Variants in HAUS6 observed in about 807,000 individuals in gnomAD.
The protein encoded by HAUS6 is HAUS augmin-like complex subunit 6.
In HAUS6, 80 loss-of-function variants were observed where a neutral mutation model predicts 106.8. That is an observed-to-expected ratio of 0.75 (90% CI 0.63 to 0.90). The LOEUF is 0.90. Among genes scored for constraint, HAUS6 ranks in the 40% least tolerant of loss-of-function variants. The probability of loss-of-function intolerance (pLI) is 0.00; values close to 1 mark genes in which losing one functional copy is unlikely to be tolerated. For synonymous variants in HAUS6, 356 were observed against 379.1 expected (o/e 0.94, Z 0.71); for missense variants, 1,155 against 1,118.1 (o/e 1.03, Z -0.47).
chr9:19,056,533 AATT>A (rs897634663), intron 16 of HAUS6, 129 bp from the exon 17 acceptor site: 7 of 606,540 alleles, frequency 1.2e-5, no homozygotes, highest in African/African-American at 5.5e-5. Flanking sequence ...ATTATGATAA[AATT>A]ATTATTATTC....
rs772410184 is a variant in HAUS6 at position 19,102,589 on chromosome 9, G to A, written c.63C>T (p.Leu21=). ...TGGTTGCCGGGCCTGGCTCGAAGCC[G>A]AGCGCCTGCAGATACATCCAGAGAT... is the stretch of plus-strand genomic sequence containing the variant. ...KEHLWMYLQA[L]GFEPGPATIA... is the part of the protein sequence containing the mutation. The change falls in exon 1 of 17, where the codon CTC becomes CTT. Residue 21 remains leucine (L), a synonymous_variant. Transcript: ENST00000380502. 4 of 1,613,832 alleles carry A rather than the reference G, an allele frequency of 2.5e-6. No individual in the cohort carries two copies. The highest frequency in any genetic ancestry group is 3.4e-6 in the Non-Finnish European group (4 of 1,179,900).
At chr9:19,095,367 G>A (rs1817840110) in intron 2 of HAUS6, among the ~76,000 whole-genome samples, 1 of 151,950 alleles carries the variant, frequency 6.6e-6, no homozygotes, top group Non-Finnish European at 1.5e-5. Context: ...AAAAAACTGA[G>A]CATGCATAGG....
rs910963679 is a variant in HAUS6, at chr9:19,094,406, A to G, written c.225-11T>C. On this transcript the variant is annotated splice_polypyrimidine_tract_variant and intron_variant, in intron 2 of 16. Coordinates refer to ENST00000380502, the MANE Select transcript of HAUS6 (RefSeq NM_017645.5). ...GGGGGCCAACAAAATCTGGAAAACA[A>G]AAATAAAAGCGTAAGGACTATGCAC... is the stretch of plus-strand genomic sequence containing the variant. 1.3e-6 allele frequency: 2 copies of G among 1,560,354 alleles called. No individual in the cohort carries two copies. The highest frequency in any genetic ancestry group is 1.7e-5 in the Admixed American group (1 of 58,844).
rs555751671 is a variant in HAUS6 at position 19,083,978 on chromosome 9, C to T, written c.700-935G>A. 2.6e-3 allele frequency among the ~76,000 whole-genome samples: 386 copies of T among 147,312 alleles called. 6 individuals are homozygous for T. In the South Asian group the frequency reaches 0.032, roughly 12 times the overall value. ...ATATACAAGAATATTTAGGCACGCA[C>T]AGTGGCGCATACCTGTAATCCCAGC... On this transcript the variant is annotated intron_variant, in intron 7 of 16. Transcript: ENST00000380502.
At chr9:19,075,178 A>G (rs1836967598) in intron 11 of HAUS6, among the ~76,000 whole-genome samples, 1 of 152,224 alleles carries the variant, frequency 6.6e-6, no homozygotes, top group African/African-American at 2.4e-5. Flanking sequence ...ATGAAAATCC[A>G]GAACAGGGAA....
chr9:19,087,617 G>C (rs984618759), intron 5 of HAUS6, among the ~76,000 whole-genome samples: 1 of 152,130 alleles, frequency 6.6e-6, no homozygotes, highest in Admixed American at 6.6e-5. Flanking sequence ...TATTTTGGGA[G>C]GCTGAGGCAG....
At chr9:19,091,067 G>A (rs908385727) in intron 4 of HAUS6, among the ~76,000 whole-genome samples, 9 of 151,856 alleles carry the variant, frequency 5.9e-5, no homozygotes, top group East Asian at 1.9e-4. Flanking sequence ...TTGGGAGGCC[G>A]AGGCGGGTGG....
At chr9:19,077,379 A>G (rs1278577433) in intron 10 of HAUS6, among the ~76,000 whole-genome samples, 1 of 152,108 alleles carries the variant, frequency 6.6e-6, no homozygotes, top group Non-Finnish European at 1.5e-5. Context: ...TACTGAAAAT[A>G]GAAAAATTAG....
intron 14 of HAUS6, among the ~76,000 whole-genome samples, chr9:19,060,658 C>T (rs999460511): frequency 6.6e-6 from 1 of 152,172 alleles, no homozygotes; most frequent in Admixed American, 6.5e-5. Context: ...GAAACAGAAT[C>T]ATTCTGACAA....
At chr9:19,089,350 T>G in intron 5 of HAUS6, 62 bp downstream of exon 5, 1 of 1,046,166 alleles carries the variant, frequency 9.6e-7, no homozygotes, top group South Asian at 1.3e-5. Flanking sequence ...CTCCTGACAT[T>G]ATATTGGTGA....
intron 4 of HAUS6, among the ~76,000 whole-genome samples, chr9:19,090,873 A>C (rs1817729936): frequency 6.6e-6 from 1 of 152,220 alleles, no homozygotes; most frequent in South Asian, 2.1e-4. Flanking sequence ...AATATTTCAG[A>C]GTTCAGGTTT....
At chr9:19,082,742 A>C (rs1055566044) in intron 8 of HAUS6, 131 bp downstream of exon 8, 11 of 549,954 alleles carry the variant, frequency 2.0e-5, no homozygotes, top group Non-Finnish European at 3.3e-5. Context: ...TAAGAGCAAA[A>C]TTCTGTCTCA....
intron 11 of HAUS6, among the ~76,000 whole-genome samples, chr9:19,071,541 T>C (rs1217924400): frequency 3.3e-5 from 5 of 151,380 alleles, no homozygotes; most frequent in Non-Finnish European, 5.9e-5. Flanking sequence ...TATATCCCAG[T>C]GAACCTGCAT....
intron 11 of HAUS6, among the ~76,000 whole-genome samples, chr9:19,073,582 T>C (rs1484005024): frequency 4.0e-5 from 6 of 151,634 alleles, no homozygotes; most frequent in African/African-American, 1.5e-4. Context: ...GCAAAAGCCC[T>C]TTCCCAACTG....
Position 19,058,184 on chromosome 9 carries a change from T to C in HAUS6, c.2583A>G (p.Arg861=). 1.1e-5 allele frequency: 18 copies of C among 1,613,960 alleles called. No homozygotes were observed. The highest frequency in any genetic ancestry group is 1.4e-5 in the Non-Finnish European group (16 of 1,179,846). ...SYLSNSQTPE[R]HKPELSPTPQ... Reference sequence around the variant, plus strand: ...GAGTAGGGCTCAATTCTGGTTTGTGTCTTTCGGGTGTTTGGGAATTCGAGA... The same window carrying C: ...GAGTAGGGCTCAATTCTGGTTTGTGCCTTTCGGGTGTTTGGGAATTCGAGA... The change falls in exon 16 of 17, where the codon AGA becomes AGG. Residue 861 remains arginine (R), a synonymous_variant. Coordinates refer to ENST00000380502, the MANE Select transcript of HAUS6 (RefSeq NM_017645.5).
At position 19,053,655 on chromosome 9, in the gene HAUS6, A is replaced by C. The variant is rs1278313660; in HGVS notation, c.*2688T>G. On this transcript the variant is annotated 3_prime_UTR_variant, in exon 17 of 17. Transcript: ENST00000380502. The stretch of plus-strand genomic sequence containing the variant: ...CTCAGGTTTCAAGCTGATGTATGTC[A>C]GTTTATATACCTTTGTATCTTACAA... 1 of 152,214 alleles carries C rather than the reference A, an allele frequency of 6.6e-6. No individual in the cohort carries two copies. Among genetic ancestry groups the C allele is most frequent in the Non-Finnish European group, 1.5e-5 (1 of 68,008 alleles). 9.4% of individuals were successfully genotyped at this position (152,214 alleles called of 1,614,324 possible).
In HAUS6 at chr9:19,098,649, C is replaced by T. The variant is rs549666193; in HGVS notation, c.129-1880G>A. Among the ~76,000 whole-genome samples the T allele has an allele frequency of 2.2e-4, 33 of 152,096 alleles. 1 individual carries two copies. Among genetic ancestry groups the T allele is most frequent in the African/African-American group, 7.0e-4 (29 of 41,508 alleles). ...TTCTATCTATTCTCTGTAATGCAAC[C>T]ATATGATTTTTCCAAACTGCAAACC... On this transcript the variant is annotated intron_variant, in intron 1 of 16. Coordinates refer to ENST00000380502, the MANE Select transcript of HAUS6 (RefSeq NM_017645.5).
rs948863851 is a variant in HAUS6 at position 19,053,705 on chromosome 9, A to G, written c.*2638T>C. The G allele has an allele frequency of 2.6e-5, 4 of 152,168 alleles. No homozygotes were observed. Among genetic ancestry groups the G allele is most frequent in the African/African-American group, 9.7e-5 (4 of 41,438 alleles). 9.4% of individuals were successfully genotyped at this position (152,168 alleles called of 1,614,324 possible). On this transcript the variant is annotated 3_prime_UTR_variant, in exon 17 of 17. Transcript: ENST00000380502. Reference sequence around the variant, plus strand: ...AATAGTAAAACAAAGTACATTCTATATGTCTGATATTAATGTAATAAGAAA... The same window carrying G: ...AATAGTAAAACAAAGTACATTCTATGTGTCTGATATTAATGTAATAAGAAA...
At chr9:19,064,638 C>A (rs1328299967) in intron 12 of HAUS6, among the ~76,000 whole-genome samples, 1 of 152,186 alleles carries the variant, frequency 6.6e-6, no homozygotes, top group Admixed American at 6.5e-5. Context: ...CATGTTGGTA[C>A]TTTCCTTTCT....
Sources: allele counts gnomAD v4.1 joint callset (sites outside exome capture counted in the v4.1 genomes callset), GRCh38; gene constraint gnomAD v4.1.1; transcripts MANE v1.5; gene names NCBI Gene and HGNC (gene_info 2026-07-23, HGNC 2026-07-21).